The following OSGIN1 variants were observed in gnomAD, a reference collection of about 807,000 sequenced individuals.
OSGIN1 encodes the protein oxidative stress induced growth inhibitor 1.
OSGIN1 carries 19 observed loss-of-function variants against 20.1 expected under a neutral mutation model. That is an observed-to-expected ratio of 0.95 (90% CI 0.66 to 1.39). The LOEUF (loss-of-function observed/expected upper bound fraction) is 1.39, where lower values mean the gene tolerates loss of function less well. Among genes scored for constraint, OSGIN1 ranks in the 40% most tolerant of loss-of-function variants. The pLI is 0.00. For synonymous variants in OSGIN1, 368 were observed against 297.8 expected (o/e 1.24, Z -2.43); for missense variants, 820 against 653.0 (o/e 1.26, Z -2.79).
At chr16:83,957,417 G>A (rs1444727617) in intron 1 of OSGIN1, among the ~76,000 whole-genome samples, 2 of 152,218 alleles carry the variant, frequency 1.3e-5, no homozygotes, top group Non-Finnish European at 2.9e-5. Context: ...CCCGAGGAGG[G>A]GAGGGCACAT....
intron 1 of OSGIN1, among the ~76,000 whole-genome samples, chr16:83,955,166 A>G (rs745656413): frequency 9.2e-5 from 14 of 152,292 alleles, no homozygotes; most frequent in Middle Eastern, 3.4e-3. Context: ...CCCGGGGACC[A>G]TGATGAGGAC....
Position 83,961,010 on chromosome 16 carries a change from C to G in OSGIN1, c.426C>G (p.Ser142Arg). The G allele has an allele frequency of 6.2e-7, 1 of 1,613,658 alleles. No homozygotes were observed. The highest frequency in any genetic ancestry group is 8.5e-7 in the Non-Finnish European group (1 of 1,179,984). The change falls in exon 5 of 6, where the codon AGC (serine) becomes AGG (arginine). Residue 142 changes from serine to arginine, a missense_variant. Coordinates refer to ENST00000393306, the MANE Select transcript of OSGIN1 (RefSeq NM_182981.3). ...TCGAAGGCTCCATGGTGATCCTGAG[C>G]CAAGGCCAGTGGATGGGGCTCCCGG... is the stretch of plus-strand genomic sequence containing the variant. The part of the protein sequence containing the change: ...HSIEGSMVIL[S>R]QGQWMGLPDL...
At chr16:83,954,973 G>GT (rs765169846) in intron 1 of OSGIN1, among the ~76,000 whole-genome samples, 43 of 152,334 alleles carry the variant, frequency 2.8e-4, no homozygotes, top group Middle Eastern at 3.4e-3. Context: ...GTGCCTGGGG[G>GT]TGTCAGCCCA....
At position 83,960,558 on chromosome 16, in the gene OSGIN1, C is replaced by A. The variant is rs200591123; in HGVS notation, c.205-11C>A. ...CCTCCAGCAGCCCCTCTGACCTATG[C>A]CCCCCTCCAGGACCTGGACTACCTG... On this transcript the variant is annotated splice_polypyrimidine_tract_variant and intron_variant, in intron 3 of 5. Transcript: ENST00000393306. The A allele has an allele frequency of 6.2e-7, 1 of 1,610,098 alleles. No homozygotes were observed. The highest frequency in any genetic ancestry group is 1.3e-5 in the African/African-American group (1 of 75,016).
At chr16:83,960,125 G>C (rs910185619) in intron 3 of OSGIN1, among the ~76,000 whole-genome samples, 28 of 152,150 alleles carry the variant, frequency 1.8e-4, no homozygotes, top group African/African-American at 6.8e-4. Context: ...TAGAATACTA[G>C]TTCCTCAGTA....
rs138964906 is a variant in OSGIN1, at chr16:83,965,531, G to A, written c.958G>A (p.Asp320Asn). The A allele has an allele frequency of 4.2e-4, 680 of 1,612,648 alleles. 4 individuals carry two copies. In the African/African-American group the frequency reaches 7.4e-3, roughly 18 times the overall value. Residue 320 changes from aspartate to asparagine, a missense_variant, in exon 6 of 6, where the codon GAC becomes AAC. Transcript: ENST00000393306. Reference sequence around the variant, plus strand: ...GATCCATGCCTTCCGCCGGGCCGTGGACGACCCTGGCCTGGTGTTCAACCA... The same window carrying A: ...GATCCATGCCTTCCGCCGGGCCGTGAACGACCCTGGCCTGGTGTTCAACCA... The part of the protein sequence containing the change: ...PVIHAFRRAV[D>N]DPGLVFNQLP...
chr16:83,957,529 G>C (rs1908989003), intron 1 of OSGIN1, 111 bp from the exon 2 acceptor site: 1 of 670,032 alleles, frequency 1.5e-6, no homozygotes, highest in Non-Finnish European at 2.8e-6. Context: ...GGGGACCCCG[G>C]ACCAGACCCT....
chr16:83,966,010 C>G lies in OSGIN1; in HGVS notation c.*3C>G, dbSNP rs919240854. 9 of 1,541,680 alleles carry G rather than the reference C, an allele frequency of 5.8e-6. No homozygotes were observed. Among genetic ancestry groups the G allele is most frequent in the Non-Finnish European group, 7.0e-6 (8 of 1,144,708 alleles). On this transcript the variant is annotated 3_prime_UTR_variant, in exon 6 of 6. Coordinates refer to ENST00000393306, the MANE Select transcript of OSGIN1 (RefSeq NM_182981.3). ...AGGAGACCAGGAAGCCACCCTAACA[C>G]TCGGCCAGACCCGCTGGCTCCCAGG...
At chr16:83,960,510 C>A in intron 3 of OSGIN1, 59 bp from the exon 4 acceptor site, 1 of 1,411,308 alleles carries the variant, frequency 7.1e-7, no homozygotes, top group Non-Finnish European at 9.9e-7. Flanking sequence ...CAGCCTCAGG[C>A]TCTGGGAAGA....
intron 5 of OSGIN1, 51 bp downstream of exon 5, chr16:83,961,123 A>C (rs765896642): frequency 7.0e-7 from 1 of 1,429,184 alleles, no homozygotes; most frequent in South Asian, 1.1e-5. Context: ...GGGCCTGTGA[A>C]CCCAGAAAAT....
chr16:83,955,320 G>A (rs143603302), intron 1 of OSGIN1, among the ~76,000 whole-genome samples: 25 of 152,260 alleles, frequency 1.6e-4, no homozygotes, highest in Admixed American at 7.8e-4. Context: ...AGAACACCAG[G>A]TCCTCAGCTG....
chr16:83,961,716 C>T (rs2084216008), intron 5 of OSGIN1, among the ~76,000 whole-genome samples: 1 of 152,086 alleles, frequency 6.6e-6, no homozygotes, highest in Non-Finnish European at 1.5e-5. Context: ...CTGGGCTCAC[C>T]CGAGGACCCC....
intron 5 of OSGIN1, among the ~76,000 whole-genome samples, chr16:83,964,691 G>A (rs1205089760): frequency 1.3e-5 from 2 of 152,098 alleles, no homozygotes; most frequent in South Asian, 2.1e-4. Context: ...ACGACCTCAC[G>A]AAATAGGTCC....
At chr16:83,963,288 G>T (rs1158323598) in intron 5 of OSGIN1, among the ~76,000 whole-genome samples, 2 of 152,128 alleles carry the variant, frequency 1.3e-5, no homozygotes, top group East Asian at 1.9e-4. Context: ...TTTTCACATT[G>T]TATCCCAAGC....
At chr16:83,961,844 G>A (rs1013002848) in intron 5 of OSGIN1, among the ~76,000 whole-genome samples, 4 of 152,136 alleles carry the variant, frequency 2.6e-5, no homozygotes, top group African/African-American at 4.8e-5. Context: ...GCCCTGCCCC[G>A]TGCCTCTGGC....
chr16:83,960,841 C>G, intron 4 of OSGIN1, 81 bp downstream of exon 4: 1 of 1,515,842 alleles, frequency 6.6e-7, no homozygotes, highest in Non-Finnish European at 9.0e-7. Flanking sequence ...TCTGGCATCT[C>G]CCTTTCCTCA....
intron 5 of OSGIN1, among the ~76,000 whole-genome samples, chr16:83,964,629 G>A (rs1210570608): frequency 6.6e-6 from 1 of 152,140 alleles, no homozygotes; most frequent in African/African-American, 2.4e-5. Context: ...CTTACTTCCA[G>A]TCAGGTTCCA....
rs200403572 is a variant in OSGIN1, at chr16:83,965,648, C to T, written c.1075C>T (p.Arg359Cys). The T allele has an allele frequency of 3.0e-5, 49 of 1,613,258 alleles. No homozygotes were observed. The highest frequency in any genetic ancestry group is 6.7e-5 in the African/African-American group (5 of 74,928). The change falls in exon 6 of 6, where the codon CGC becomes TGC. Residue 359 changes from arginine to cysteine, a missense_variant. By Grantham distance (180) the Arg-to-Cys change is radical. Transcript: ENST00000393306. Reference sequence around the variant, plus strand: ...GTCGCCCAGCCCCTATGAGGGTTACCGCAGCCTCCCCAGGCACCAGCTGCT... The same window carrying T: ...GTCGCCCAGCCCCTATGAGGGTTACTGCAGCCTCCCCAGGCACCAGCTGCT... ...ILSPSPYEGY[R>C]SLPRHQLLCF...
chr16:83,962,412 T>C (rs2084226270), intron 5 of OSGIN1, among the ~76,000 whole-genome samples: 1 of 152,124 alleles, frequency 6.6e-6, no homozygotes, highest in Admixed American at 6.5e-5. Context: ...CTAATTATTT[T>C]TTGTATTTTT....
Sources: allele counts gnomAD v4.1 joint callset (sites outside exome capture counted in the v4.1 genomes callset), GRCh38; gene constraint gnomAD v4.1.1; transcripts MANE v1.5; gene names NCBI Gene and HGNC (gene_info 2026-07-23, HGNC 2026-07-21).